ROBO1: variants seen among roughly 807,000 people sequenced by gnomAD.
ROBO1 encodes roundabout guidance receptor 1, also known as roundabout homolog 1.
ROBO1 carries 149 observed loss-of-function variants against 195.9 expected under a neutral mutation model. The observed-to-expected ratio is 0.76, with a 90% confidence interval of 0.67 to 0.87. The LOEUF is 0.87. Ranked by LOEUF, ROBO1 falls within the 40% of genes least tolerant of loss-of-function variation. The pLI is 0.00. For synonymous variants in ROBO1, 816 were observed against 733.2 expected (o/e 1.11, Z -1.82); for missense variants, 1,933 against 2,068.3 (o/e 0.93, Z 1.27).
chr3:79,386,794 T>C (rs2036765004), intron 2 of ROBO1, among the ~76,000 whole-genome samples: 1 of 152,150 alleles, frequency 6.6e-6, no homozygotes, highest in Non-Finnish European at 1.5e-5. Context: ...ATTGTGGGCT[T>C]TATTCCTCAG....
chr3:79,678,100 G>A (rs1039290691), intron 1 of ROBO1, among the ~76,000 whole-genome samples: 4 of 152,150 alleles, frequency 2.6e-5, no homozygotes, highest in Non-Finnish European at 5.9e-5. Flanking sequence ...GGTTCACAGA[G>A]AGAATATTCT....
chr3:79,130,021 T>C (rs2080298277), intron 2 of ROBO1, among the ~76,000 whole-genome samples: 2 of 83,002 alleles, frequency 2.4e-5, no homozygotes, highest in Admixed American at 2.9e-4. Context: ...GAGGGCTCTG[T>C]TCTGTTCCAT....
chr3:79,264,675 T>C (rs1325634458), intron 2 of ROBO1, among the ~76,000 whole-genome samples: 1 of 151,920 alleles, frequency 6.6e-6, no homozygotes, highest in Non-Finnish European at 1.5e-5. Context: ...TTGACTAAAG[T>C]AGGGAAGCAT....
At chr3:79,449,356 A>G (rs897942610) in intron 2 of ROBO1, among the ~76,000 whole-genome samples, 1 of 152,308 alleles carries the variant, frequency 6.6e-6, no homozygotes, top group East Asian at 1.9e-4. Context: ...AAACACCAAA[A>G]TGAGTTCTCT....
chr3:79,611,928 TAAAAA>T, intron 1 of ROBO1, among the ~76,000 whole-genome samples: 1 of 151,440 alleles, frequency 6.6e-6, no homozygotes, highest in East Asian at 1.9e-4. Flanking sequence ...AGAAAATAAA[TAAAAA>T]AAGAAAAGAA....
At chr3:79,735,487 C>T (rs553463526) in intron 1 of ROBO1, among the ~76,000 whole-genome samples, 1 of 152,288 alleles carries the variant, frequency 6.6e-6, no homozygotes, top group Admixed American at 6.5e-5. Context: ...GAAAGTCATC[C>T]ACCTCCTGTA....
chr3:78,967,456 G>C (rs1000849296), intron 3 of ROBO1, among the ~76,000 whole-genome samples: 2 of 151,710 alleles, frequency 1.3e-5, no homozygotes, highest in African/African-American at 4.8e-5. Flanking sequence ...ACCTTATTTT[G>C]AGGTTTTGCC....
intron 19 of ROBO1, among the ~76,000 whole-genome samples, chr3:78,648,192 CAAGTAAAGGA>C (rs1236069351): frequency 6.6e-6 from 1 of 151,552 alleles, no homozygotes; most frequent in African/African-American, 2.4e-5. Context: ...AAACACAACA[CAAGTAAAGGA>C]AAGGAAAGAA....
chr3:79,044,792 T>A (rs991568956), intron 3 of ROBO1, among the ~76,000 whole-genome samples: 2 of 151,866 alleles, frequency 1.3e-5, no homozygotes, highest in African/African-American at 4.8e-5. Context: ...TTTCTTTTTT[T>A]AAAAAAAAAT....
chr3:79,323,878 GC>G (rs924902602), intron 2 of ROBO1, among the ~76,000 whole-genome samples: 5 of 152,070 alleles, frequency 3.3e-5, no homozygotes, highest in Non-Finnish European at 5.9e-5. Flanking sequence ...ATAGATGTAT[GC>G]CCCCCGAGTA....
chr3:79,692,260 A>C (rs908866081), intron 1 of ROBO1, among the ~76,000 whole-genome samples: 1 of 151,920 alleles, frequency 6.6e-6, no homozygotes, highest in Non-Finnish European at 1.5e-5. Flanking sequence ...TTAAGTATAG[A>C]TTATAATGTA....
intron 16 of ROBO1, 137 bp from the exon 17 acceptor site, chr3:78,659,944 G>A (rs1380566911): frequency 2.0e-5 from 10 of 504,976 alleles, no homozygotes; most frequent in East Asian, 1.1e-4. Flanking sequence ...TTTTTGAGAC[G>A]GAGGCTCGCT....
chr3:78,915,046 C>T (rs2038473107), intron 4 of ROBO1, among the ~76,000 whole-genome samples: 4 of 151,832 alleles, frequency 2.6e-5, no homozygotes, highest in Admixed American at 2.0e-4. Flanking sequence ...AAGACAGAAA[C>T]GATATAGAAA....
chr3:79,317,970 G>A (rs1018574124), intron 2 of ROBO1, among the ~76,000 whole-genome samples: 3 of 152,034 alleles, frequency 2.0e-5, no homozygotes, highest in African/African-American at 4.8e-5. Flanking sequence ...GTGGGATTAC[G>A]TAAACTAGCA....
chr3:78,885,953 A>AT (rs902724462), intron 4 of ROBO1, among the ~76,000 whole-genome samples: 8 of 145,674 alleles, frequency 5.5e-5, no homozygotes, highest in Non-Finnish European at 7.5e-5. Flanking sequence ...ATACATATAT[A>AT]TTTTTTTAAG....
At chr3:79,161,514 C>T (rs564196036) in intron 2 of ROBO1, among the ~76,000 whole-genome samples, 33 of 152,018 alleles carry the variant, frequency 2.2e-4, no homozygotes, top group African/African-American at 6.8e-4. Context: ...ATAATTTCTA[C>T]ACATAGACGA....
chr3:78,766,342 C>G (rs1169098831), intron 4 of ROBO1, among the ~76,000 whole-genome samples: 2 of 152,130 alleles, frequency 1.3e-5, no homozygotes, highest in Non-Finnish European at 2.9e-5. Context: ...ATGGCTTCCC[C>G]TGACATTTTA....
intron 2 of ROBO1, among the ~76,000 whole-genome samples, chr3:79,568,174 T>TAACAAC: frequency 6.6e-6 from 1 of 152,196 alleles, no homozygotes; most frequent in African/African-American, 2.4e-5. Context: ...AATCTGCAGT[T>TAACAAC]AACAACAACA....
chr3:79,762,254 G>C (rs770265902), intron 1 of ROBO1, among the ~76,000 whole-genome samples: 6 of 152,030 alleles, frequency 3.9e-5, no homozygotes, highest in Non-Finnish European at 8.8e-5. Context: ...AGTCGGGGGG[G>C]AAGGGGCAAG....
Sources: gnomAD v4.1 joint callset for allele counts (sites outside exome capture counted in the v4.1 genomes callset) on GRCh38, gnomAD v4.1.1 for gene constraint, MANE v1.5 for transcripts, NCBI Gene and HGNC (gene_info 2026-07-23, HGNC 2026-07-21) for gene names.